Variants in CDH13 observed in about 807,000 individuals in gnomAD.
CDH13 encodes the protein cadherin-13.
CDH13 carries 24 observed loss-of-function variants against 63.8 expected under a neutral mutation model. That is an observed-to-expected ratio of 0.38 (90% CI 0.27 to 0.53). CDH13 has a LOEUF of 0.53. CDH13 is among the 20% of genes least tolerant of loss of function. The pLI, the probability that CDH13 is intolerant of heterozygous loss-of-function variation, is 0.85. For missense variants in CDH13, 1,049 were observed against 903.1 expected (o/e 1.16, Z -2.07); for synonymous variants, 503 against 355.3 (o/e 1.42, Z -4.67).
Position 83,549,593 on chromosome 16 carries a change from G to A in CDH13, c.961-52861G>A, listed in dbSNP as rs145396122. ...TAGAGCACTCCCTAACCCCACTCCC[G>A]TAGCACTGGGACTATAGCTTTATTT... On this transcript the variant is annotated intron_variant, in intron 7 of 13. Transcript: ENST00000567109. 4.7e-3 allele frequency among the ~76,000 whole-genome samples: 708 copies of A among 150,748 alleles called. 10 individuals are homozygous for A. Among genetic ancestry groups the A allele is most frequent in the African/African-American group, 0.017 (677 of 40,968 alleles).
chr16:83,453,710 C>T (rs1418023713), intron 6 of CDH13, among the ~76,000 whole-genome samples: 1 of 152,196 alleles, frequency 6.6e-6, no homozygotes, highest in Non-Finnish European at 1.5e-5. Flanking sequence ...TGTTCTCTGC[C>T]GTACTCCCGA....
chr16:83,507,796 A>C (rs1166884595), intron 7 of CDH13, among the ~76,000 whole-genome samples: 72 of 152,024 alleles, frequency 4.7e-4, no homozygotes, highest in Admixed American at 4.7e-3. Context: ...GCACTCTGGA[A>C]GGCCGAGGCA....
intron 8 of CDH13, among the ~76,000 whole-genome samples, chr16:83,649,697 G>C (rs1457873589): frequency 6.6e-6 from 1 of 152,138 alleles, no homozygotes; most frequent in Non-Finnish European, 1.5e-5. Context: ...GAGGGGGCCT[G>C]TGGGTTTCCA....
chr16:82,786,137 A>G (rs2035991915), intron 1 of CDH13, among the ~76,000 whole-genome samples: 1 of 152,222 alleles, frequency 6.6e-6, no homozygotes, highest in African/African-American at 2.4e-5. Context: ...GGTGATCAGA[A>G]TGAGTCAGGG....
At chr16:82,691,965 A>T (rs1467644218) in intron 1 of CDH13, among the ~76,000 whole-genome samples, 1 of 152,132 alleles carries the variant, frequency 6.6e-6, no homozygotes, top group African/African-American at 2.4e-5. Flanking sequence ...ATATATGCTG[A>T]CAGTTAGGAA....
chr16:83,461,229 TGTAC>T (rs2073174179), intron 6 of CDH13, among the ~76,000 whole-genome samples: 3 of 152,176 alleles, frequency 2.0e-5, no homozygotes, highest in African/African-American at 7.2e-5. Flanking sequence ...TACATGTATA[TGTAC>T]ATATTCCTAT....
At chr16:82,810,862 G>T (rs1289300011) in intron 1 of CDH13, among the ~76,000 whole-genome samples, 1 of 149,638 alleles carries the variant, frequency 6.7e-6, no homozygotes, top group Non-Finnish European at 1.5e-5. Flanking sequence ...TAGGATTCGG[G>T]GTGATTGTGA....
intron 4 of CDH13, among the ~76,000 whole-genome samples, chr16:83,202,061 C>A (rs866347570): frequency 1.3e-5 from 2 of 152,174 alleles, no homozygotes; most frequent in Admixed American, 1.3e-4. Flanking sequence ...GTTTTCTTTG[C>A]CAAGGTCTCT....
At chr16:83,091,376 T>G (rs575771041) in intron 3 of CDH13, among the ~76,000 whole-genome samples, 1 of 152,242 alleles carries the variant, frequency 6.6e-6, no homozygotes, top group Admixed American at 6.5e-5. Flanking sequence ...TCCCATTCAA[T>G]GTAGTTTGAG....
intron 7 of CDH13, chr16:83,508,433 C>T (rs538008506): frequency 1.4e-4 from 21 of 153,766 alleles, no homozygotes; most frequent in African/African-American, 5.0e-4. Context: ...CACCCAGATC[C>T]CCAGGAACCC....
At chr16:82,716,315 AGGT>A (rs1187037004) in intron 1 of CDH13, among the ~76,000 whole-genome samples, 1 of 152,096 alleles carries the variant, frequency 6.6e-6, no homozygotes, top group African/African-American at 2.4e-5. Flanking sequence ...TCCATGGGAA[AGGT>A]GGTGGGAATT....
intron 3 of CDH13, among the ~76,000 whole-genome samples, chr16:83,106,073 A>G (rs1324279232): frequency 2.6e-5 from 4 of 152,236 alleles, no homozygotes; most frequent in African/African-American, 4.8e-5. Context: ...TTATTTGTCA[A>G]TATGTTACAG....
At chr16:83,733,927 G>T (rs901412744) in intron 10 of CDH13, among the ~76,000 whole-genome samples, 5 of 152,192 alleles carry the variant, frequency 3.3e-5, no homozygotes, top group African/African-American at 1.2e-4. Flanking sequence ...CCCTGCCCCA[G>T]GTTCCATGCT....
chr16:82,934,328 G>GC, intron 2 of CDH13, among the ~76,000 whole-genome samples: 1 of 152,326 alleles, frequency 6.6e-6, no homozygotes, highest in East Asian at 1.9e-4. Flanking sequence ...CTGTACCTTG[G>GC]CCCCTTTTAT....
rs117333888 is a variant in CDH13, at chr16:83,081,197, C to T, written c.367-44188C>T. On this transcript the variant is annotated intron_variant, in intron 3 of 13. Coordinates refer to ENST00000567109, the MANE Select transcript of CDH13 (RefSeq NM_001257.5). Reference sequence around the variant, plus strand: ...CACCTGGCAAGATAGAGTCTTTTAACTTTGAAAAGTTAGGATTCAAATCAG... The same window carrying T: ...CACCTGGCAAGATAGAGTCTTTTAATTTTGAAAAGTTAGGATTCAAATCAG... 7.0e-4 allele frequency among the ~76,000 whole-genome samples: 107 copies of T among 152,154 alleles called. 1 individual carries two copies. In the East Asian group the frequency reaches 0.02, roughly 28 times the overall value.
intron 5 of CDH13, among the ~76,000 whole-genome samples, chr16:83,331,227 A>C (rs967347169): frequency 2.0e-5 from 3 of 152,208 alleles, no homozygotes; most frequent in African/African-American, 7.2e-5. Context: ...TGAGATTAAA[A>C]GTGAAGCTTC....
rs534364709 is a variant in CDH13 at position 83,443,229 on chromosome 16, G to C, written c.782-43248G>C. On this transcript the variant is annotated intron_variant, in intron 6 of 13. Transcript: ENST00000567109. Reference sequence around the variant, plus strand: ...ACAGTGATGCTTAGAATGGTGGATGGAGTTCTAGCTGCGTTTTTGCTGCTT... The same window carrying C: ...ACAGTGATGCTTAGAATGGTGGATGCAGTTCTAGCTGCGTTTTTGCTGCTT... 2.6e-5 allele frequency among the ~76,000 whole-genome samples: 4 copies of C among 152,282 alleles called. No homozygotes were observed. In the East Asian group the frequency reaches 7.7e-4, roughly 29 times the overall value.
At chr16:83,041,397 CA>C (rs947312749) in intron 3 of CDH13, among the ~76,000 whole-genome samples, 16 of 144,370 alleles carry the variant, frequency 1.1e-4, no homozygotes, top group South Asian at 2.2e-4. Context: ...GAAATGGTTC[CA>C]AAAAAAAAAT....
intron 2 of CDH13, among the ~76,000 whole-genome samples, chr16:82,904,262 G>C (rs2041567297): frequency 6.6e-6 from 1 of 152,082 alleles, no homozygotes; most frequent in Non-Finnish European, 1.5e-5. Flanking sequence ...ATATGCCTCA[G>C]GTCTGCACAG....
Sources: allele counts gnomAD v4.1 joint callset (sites outside exome capture counted in the v4.1 genomes callset), GRCh38; gene constraint gnomAD v4.1.1; transcripts MANE v1.5; gene names NCBI Gene and HGNC (gene_info 2026-07-23, HGNC 2026-07-21).